The following OSMR variants were observed in gnomAD, a reference collection of about 807,000 sequenced individuals.
OSMR encodes the protein oncostatin-M-specific receptor subunit beta.
Under a neutral mutation model 99.9 loss-of-function variants are expected in OSMR, and 81 were observed. The observed-to-expected ratio is 0.81, with a 90% confidence interval of 0.68 to 0.97. The LOEUF (loss-of-function observed/expected upper bound fraction) is 0.97, where lower values mean the gene tolerates loss of function less well. Ranked by LOEUF, OSMR falls within the 50% of genes least tolerant of loss-of-function variation. OSMR has a pLI of 0.00. For missense variants in OSMR, 1,099 were observed against 1,153.4 expected (o/e 0.95, Z 0.68); for synonymous variants, 406 against 410.4 (o/e 0.99, Z 0.13).
intron 7 of OSMR, among the ~76,000 whole-genome samples, chr5:38,895,981 G>A (rs529224411): frequency 2.5e-4 from 38 of 151,820 alleles, no homozygotes; most frequent in African/African-American, 8.9e-4. Context: ...GATTTATTTG[G>A]GGTACTCTAG....
At chr5:38,885,624 C>T in intron 6 of OSMR, 140 bp downstream of exon 6, 4 of 1,171,098 alleles carry the variant, frequency 3.4e-6, no homozygotes, top group Non-Finnish European at 5.0e-6. Context: ...CAAGAGGAAA[C>T]CTTTAAGTGG....
chr5:38,872,189 C>T (rs540055371), intron 2 of OSMR, among the ~76,000 whole-genome samples: 2 of 152,326 alleles, frequency 1.3e-5, no homozygotes, highest in South Asian at 4.1e-4. Context: ...GCATTTTCCA[C>T]TATTTCCCAA....
chr5:38,890,887 C>T (rs1744113002), intron 7 of OSMR, among the ~76,000 whole-genome samples: 1 of 152,014 alleles, frequency 6.6e-6, no homozygotes, highest in African/African-American at 2.4e-5. Flanking sequence ...GAAAACTGTG[C>T]ACAAGGAAGA....
chr5:38,919,270 G>T (rs2112639777), intron 11 of OSMR: 1 of 1,509,116 alleles, frequency 6.6e-7, no homozygotes, highest in East Asian at 2.6e-5. Flanking sequence ...TTCAGCCATG[G>T]CTCAGGACAT....
rs1225978986 is a variant in OSMR, at chr5:38,931,937, T to C, written c.2267T>C (p.Met756Thr). ...LPMVFCVLLI[M>T]VMCYLKSQWI... The stretch of plus-strand genomic sequence containing the variant: ...ATGGTTTTCTGCGTCTTGCTCATCA[T>C]GGTCATGTGCTACTTGAAAAGTCAG... The change falls in exon 16 of 18, where the codon ATG becomes ACG. Residue 756 changes from methionine (M) to threonine (T), a missense_variant. Coordinates refer to ENST00000274276, the MANE Select transcript of OSMR (RefSeq NM_003999.3). 6.2e-7 allele frequency: 1 copy of C among 1,613,574 alleles called. No homozygotes were observed. The highest frequency in any genetic ancestry group is 8.5e-7 in the Non-Finnish European group (1 of 1,179,516).
chr5:38,921,477 A>G, intron 11 of OSMR, 138 bp from the exon 12 acceptor site: 1 of 1,509,548 alleles, frequency 6.6e-7, no homozygotes, highest in Non-Finnish European at 8.9e-7. Context: ...TCCCCCACCC[A>G]AGCACCTGTA....
intron 2 of OSMR, among the ~76,000 whole-genome samples, chr5:38,870,204 G>A (rs919479386): frequency 1.3e-5 from 2 of 152,110 alleles, no homozygotes; most frequent in Admixed American, 1.3e-4. Context: ...ATCTGGGGCT[G>A]AAAGGTGGGA....
chr5:38,899,317 C>T (rs1009408373), intron 7 of OSMR, among the ~76,000 whole-genome samples: 6 of 152,098 alleles, frequency 3.9e-5, no homozygotes, highest in Non-Finnish European at 5.9e-5. Flanking sequence ...TGGGACTCAC[C>T]TTTTAGGGCA....
In OSMR at chr5:38,933,094, G is replaced by A; in HGVS notation, c.2590G>A (p.Ala864Thr). The A allele has an allele frequency of 1.2e-6, 2 of 1,614,152 alleles. No homozygotes were observed. Among genetic ancestry groups the A allele is most frequent in the South Asian group, 2.2e-5 (2 of 91,082 alleles). ...ICFENLTYNQAASDSGSCGHV... is the reference protein window; with the variant it reads ...ICFENLTYNQTASDSGSCGHV... ...TTTTGAGAACTTGACCTATAACCAG[G>A]CAGCTTCTGACTCTGGCTCTTGTGG... Residue 864 changes from alanine (A) to threonine (T), a missense_variant, in exon 18 of 18, where the codon GCA becomes ACA. Physicochemically the swap from Ala to Thr is moderately conservative, Grantham distance 58. Coordinates refer to ENST00000274276, the MANE Select transcript of OSMR (RefSeq NM_003999.3).
chr5:38,885,726 G>C (rs186038509), intron 6 of OSMR, among the ~76,000 whole-genome samples: 3 of 152,172 alleles, frequency 2.0e-5, no homozygotes, highest in Admixed American at 1.3e-4. Context: ...ATACCTTGAC[G>C]TGAAAATAGT....
chr5:38,881,385 A>T, intron 3 of OSMR: 1 of 626,140 alleles, frequency 1.6e-6, no homozygotes, highest in Non-Finnish European at 2.0e-6. Context: ...AGTGATTGGA[A>T]GCTGAGTTTT....
At chr5:38,849,657 A>G (rs1199508486) in intron 1 of OSMR, among the ~76,000 whole-genome samples, 1 of 152,190 alleles carries the variant, frequency 6.6e-6, no homozygotes, top group African/African-American at 2.4e-5. Context: ...TATTGAGTTT[A>G]TAATTGTTAG....
chr5:38,859,049 G>T (rs905597736), intron 1 of OSMR, among the ~76,000 whole-genome samples: 1 of 152,116 alleles, frequency 6.6e-6, no homozygotes, highest in African/African-American at 2.4e-5. Flanking sequence ...CATTCTGCGG[G>T]TTTTCTCTTC....
intron 13 of OSMR, 124 bp from the exon 14 acceptor site, chr5:38,924,298 C>T (rs1405478477): frequency 2.1e-5 from 32 of 1,544,854 alleles, no homozygotes; most frequent in Non-Finnish European, 2.7e-5. Flanking sequence ...AGATAAAACT[C>T]CTTAACTTGG....
In OSMR at chr5:38,933,545, T is replaced by C. The variant is rs1026070883; in HGVS notation, c.*101T>C. On this transcript the variant is annotated 3_prime_UTR_variant, in exon 18 of 18. Coordinates refer to ENST00000274276, the MANE Select transcript of OSMR (RefSeq NM_003999.3). ...GCCTTGGTCCTTAATCCCAGTACGA[T>C]TTGCAGGTCTGGTTTATATAAGACC... is the stretch of plus-strand genomic sequence containing the variant. 1.6e-5 allele frequency: 21 copies of C among 1,322,912 alleles called. No individual in the cohort carries two copies. In the Admixed American group the frequency reaches 3.7e-4, roughly 23 times the overall value. 81.9% of individuals were successfully genotyped at this position (1,322,912 alleles called of 1,614,324 possible).
intron 2 of OSMR, among the ~76,000 whole-genome samples, chr5:38,870,319 A>T (rs528286137): frequency 6.9e-6 from 1 of 144,546 alleles, no homozygotes; most frequent in Admixed American, 7.5e-5. Context: ...CCATATAATA[A>T]GAATGATTTT....
At chr5:38,945,144 G>A, downstream of OSMR, 1 of 1,018,708 alleles carries the variant, frequency 9.8e-7, no homozygotes, top group Non-Finnish European at 1.5e-6. Flanking sequence ...ATGCTAAAAA[G>A]AAATAATATA....
chr5:38,943,497 T>C (rs1747825364), intron 1 of OSMR, among the ~76,000 whole-genome samples: 3 of 151,924 alleles, frequency 2.0e-5, no homozygotes, highest in Admixed American at 2.0e-4. Flanking sequence ...GGGACCCCAA[T>C]ACCTATATCA....
chr5:38,872,258 A>G (rs542496573), intron 2 of OSMR, among the ~76,000 whole-genome samples: 1 of 152,240 alleles, frequency 6.6e-6, no homozygotes, highest in Non-Finnish European at 1.5e-5. Context: ...TGAGCACCTG[A>G]GTCATTCAGC....
Sources: allele counts gnomAD v4.1 joint callset (sites outside exome capture counted in the v4.1 genomes callset), GRCh38; gene constraint gnomAD v4.1.1; transcripts MANE v1.5; gene names NCBI Gene and HGNC (gene_info 2026-07-23, HGNC 2026-07-21).